Variants in ZNF491 observed in about 807,000 individuals in gnomAD.
ZNF491 encodes the protein zinc finger protein 491.
ZNF491 carries 22 observed loss-of-function variants against 34.7 expected under a neutral mutation model. The ratio of observed to expected loss-of-function variants is 0.63; its 90% confidence interval spans 0.45 to 0.90. The LOEUF is 0.90. ZNF491 is among the 40% of genes least tolerant of loss of function. The pLI, the probability that ZNF491 is intolerant of heterozygous loss-of-function variation, is 0.00. For missense variants in ZNF491, 559 were observed against 531.7 expected (o/e 1.05, Z -0.51); for synonymous variants, 148 against 174.3 (o/e 0.85, Z 1.19).
chr19:11,805,390 C>G (rs188246237), intron 2 of ZNF491, among the ~76,000 whole-genome samples: 1 of 81,312 alleles, frequency 1.2e-5, no homozygotes, highest in African/African-American at 4.9e-5. Context: ...GCCTGGGCAA[C>G]AAGAGCAAAA....
Position 11,807,316 on chromosome 19 carries a change from T to A in ZNF491, c.*49T>A. The A allele has an allele frequency of 7.1e-7, 1 of 1,401,068 alleles. No homozygotes were observed. The highest frequency in any genetic ancestry group is 9.5e-7 in the Non-Finnish European group (1 of 1,054,904). The allele number at this position is 1,401,068 out of a possible 1,614,324, so 86.8% of individuals were successfully genotyped here. On this transcript the variant is annotated 3_prime_UTR_variant, in exon 3 of 3. Coordinates refer to ENST00000323169, the MANE Select transcript of ZNF491 (RefSeq NM_152356.4). ...TATTTTAATAGAGACAGGGTCTCAC[T>A]ATCTTGTCCAGGTTGGTCTTGAACT...
In ZNF491 at chr19:11,806,535, A is replaced by G. The variant is rs901093873; in HGVS notation, c.582A>G (p.Lys194=). 6.2e-7 allele frequency: 1 copy of G among 1,614,034 alleles called. No individual in the cohort carries two copies. Among genetic ancestry groups the G allele is most frequent in the Non-Finnish European group, 8.5e-7 (1 of 1,180,042 alleles). ...EKPYECKECG[K]SFNFSSSFRR... ...CATATGAATGTAAGGAGTGTGGGAA[A>G]TCATTCAATTTTTCCAGTTCCTTTC... Residue 194 remains lysine (K), a synonymous_variant, in exon 3 of 3, where the codon AAA becomes AAG. Transcript: ENST00000323169.
chr19:11,803,881 A>T (rs1238312105), intron 1 of ZNF491, among the ~76,000 whole-genome samples: 2 of 152,156 alleles, frequency 1.3e-5, no homozygotes, highest in Non-Finnish European at 2.9e-5. Context: ...GGGCCAATTC[A>T]GCTCCATAGT....
intron 1 of ZNF491, among the ~76,000 whole-genome samples, chr19:11,801,850 G>A (rs1015974284): frequency 6.6e-6 from 1 of 152,162 alleles, no homozygotes; most frequent in South Asian, 2.1e-4. Context: ...TGTAGTATGG[G>A]ACAGGATGTC....
chr19:11,800,132 G>C (rs1366297182), intron 1 of ZNF491, among the ~76,000 whole-genome samples: 1 of 152,102 alleles, frequency 6.6e-6, no homozygotes, highest in Non-Finnish European at 1.5e-5. Context: ...TAGGGAAAAG[G>C]GACTTGATTG....
Position 11,804,203 on chromosome 19 carries a change from A to AGAC in ZNF491, c.-133-338_-133-336dup, listed in dbSNP as rs200415913. On this transcript the variant is annotated intron_variant, in intron 1 of 2. Transcript: ENST00000323169. ...GGGTGACAGAGTGAGGCCCCATCTC[A>AGAC]GACAAAAAAAAAAAAAAAAAAAAAA... Among the ~76,000 whole-genome samples, 29 of 113,356 alleles carry AGAC rather than the reference A, an allele frequency of 2.6e-4. 1 individual carries two copies. The highest frequency in any genetic ancestry group is 3.1e-4 in the Non-Finnish European group (16 of 50,938). The allele number at this position is 113,356 out of a possible 152,430, so 74.4% of individuals were successfully genotyped here. A position where few individuals can be genotyped will look rare whatever the true frequency, so the allele number is the denominator to read the frequency against.
chr19:11,807,072 T>C lies in ZNF491; in HGVS notation c.1119T>C (p.His373=). The change falls in exon 3 of 3, where the codon CAT becomes CAC. Residue 373 remains histidine, a synonymous_variant. Coordinates refer to ENST00000323169, the MANE Select transcript of ZNF491 (RefSeq NM_152356.4). ...AFHCVSSFHR[H]ERTHAGEKPY... ...ATTGTGTCAGCTCCTTTCATAGACA[T>C]GAAAGGACTCACGCTGGAGAAAAAC... 6.2e-7 allele frequency: 1 copy of C among 1,609,026 alleles called. No homozygotes were observed. Among genetic ancestry groups the C allele is most frequent in the Non-Finnish European group, 8.5e-7 (1 of 1,178,278 alleles).
rs1975618767 is a variant in ZNF491, at chr19:11,806,708, T to C, written c.755T>C (p.Leu252Ser). 2 of 1,613,574 alleles carry C rather than the reference T, an allele frequency of 1.2e-6. No homozygotes were observed. Among genetic ancestry groups the C allele is most frequent in the Non-Finnish European group, 1.7e-6 (2 of 1,179,888 alleles). The change falls in exon 3 of 3, where the codon TTA becomes TCA. Residue 252 changes from leucine (L) to serine (S), a missense_variant. Physicochemically the swap from Leu to Ser is moderately radical, Grantham distance 145. Coordinates refer to ENST00000323169, the MANE Select transcript of ZNF491 (RefSeq NM_152356.4). ...GAATGTAAACTATATGGGAAAGCAT[T>C]ATCTCGCCTTATAAGCTTTCGAAGA... is the stretch of plus-strand genomic sequence containing the variant. ...PYECKLYGKA[L>S]SRLISFRRHM...
In ZNF491 at chr19:11,807,644, T is replaced by C. The variant is rs1196104699; in HGVS notation, c.*377T>C. 5.1e-6 allele frequency: 1 copy of C among 197,932 alleles called. No individual in the cohort carries two copies. Among genetic ancestry groups the C allele is most frequent in the African/African-American group, 2.4e-5 (1 of 42,426 alleles). The allele number at this position is 197,932 out of a possible 1,614,324, so 12.3% of individuals were successfully genotyped here. A position where few individuals can be genotyped will look rare whatever the true frequency, so the allele number is the denominator to read the frequency against. On this transcript the variant is annotated 3_prime_UTR_variant, in exon 3 of 3. Coordinates refer to ENST00000323169, the MANE Select transcript of ZNF491 (RefSeq NM_152356.4). ...GGTTTCCAAAGATGTCCCCAGAAGCTCCACATTCAAGTTCTATCTACAGTT... is the reference window on the plus strand; with the variant it reads ...GGTTTCCAAAGATGTCCCCAGAAGCCCCACATTCAAGTTCTATCTACAGTT...
chr19:11,806,995 A>G lies in ZNF491; in HGVS notation c.1042A>G (p.Thr348Ala), dbSNP rs1975624253. ...SAKYIRIHGR[T>A]HTGEKPYECK... ...CAAGTACATTCGAATACATGGAAGG[A>G]CTCACACTGGTGAGAAACCCTATGA... The change falls in exon 3 of 3, where the codon ACT (threonine) becomes GCT (alanine). Residue 348 changes from threonine to alanine, a missense_variant. Physicochemically the swap from Thr to Ala is moderately conservative, Grantham distance 58. Transcript: ENST00000323169. 2.5e-6 allele frequency: 4 copies of G among 1,612,998 alleles called. No individual in the cohort carries two copies. The East Asian group carries it at 6.7e-5, about 27-fold the overall frequency.
Position 11,806,644 on chromosome 19 carries a change from C to T in ZNF491, c.691C>T (p.His231Tyr). 6.2e-7 allele frequency: 1 copy of T among 1,613,692 alleles called. No homozygotes were observed. The highest frequency in any genetic ancestry group is 1.1e-5 in the South Asian group (1 of 91,032). ...AGCCTTCAATTGTCCCAGTTCTTTT[C>T]ACAGGCATGAAAGGACTCACACAGG... ...GKAFNCPSSF[H>Y]RHERTHTGEK... Residue 231 changes from histidine (H) to tyrosine (Y), a missense_variant, in exon 3 of 3, where the codon CAC (histidine) becomes TAC (tyrosine). By Grantham distance (83) the His-to-Tyr change is moderately conservative. Transcript: ENST00000323169.
At position 11,798,547 on chromosome 19, in the gene ZNF491, G is replaced by C. The variant is rs1975524448; in HGVS notation, c.-314G>C. 2 of 152,448 alleles carry C rather than the reference G, an allele frequency of 1.3e-5. No individual in the cohort carries two copies. The highest frequency in any genetic ancestry group is 1.3e-4 in the Admixed American group (2 of 15,294). The allele number at this position is 152,448 out of a possible 1,614,324, so 9.4% of individuals were successfully genotyped here. On this transcript the variant is annotated 5_prime_UTR_variant, in exon 1 of 3. Transcript: ENST00000323169. This position sits in a 1 kb window ranked among gnomAD's most constrained non-coding sequence, Gnocchi z 4.0. ...CAACTGTCAATCCGGGGAAGCAGAAGGCCGCACTCAGAGTCTCTGCACTCC... is the reference window on the plus strand; with the variant it reads ...CAACTGTCAATCCGGGGAAGCAGAACGCCGCACTCAGAGTCTCTGCACTCC...
chr19:11,799,759 C>A (rs891836385), intron 1 of ZNF491, among the ~76,000 whole-genome samples: 2 of 151,960 alleles, frequency 1.3e-5, no homozygotes, highest in African/African-American at 4.8e-5. Flanking sequence ...CATGGTGAAA[C>A]CCCGACTCTA....
Position 11,806,735 on chromosome 19 carries a change from A to C in ZNF491, c.782A>C (p.His261Pro), listed in dbSNP as rs1181137128. The C allele has an allele frequency of 1.9e-6, 3 of 1,613,936 alleles. No homozygotes were observed. Among genetic ancestry groups the C allele is most frequent in the Non-Finnish European group, 2.5e-6 (3 of 1,179,970 alleles). ...ALSRLISFRR[H>P]MRMHTGERPH... The stretch of plus-strand genomic sequence containing the variant: ...TCTCGCCTTATAAGCTTTCGAAGAC[A>C]CATGAGAATGCACACTGGAGAGAGG... The change falls in exon 3 of 3, where the codon CAC becomes CCC. Residue 261 changes from histidine (H) to proline (P), a missense_variant. By Grantham distance (77) the His-to-Pro change is moderately conservative. Coordinates refer to ENST00000323169, the MANE Select transcript of ZNF491 (RefSeq NM_152356.4).
In ZNF491 at chr19:11,808,338, C is replaced by T. The variant is rs1026331875; in HGVS notation, c.*1071C>T. On this transcript the variant is annotated 3_prime_UTR_variant, in exon 3 of 3. Transcript: ENST00000323169. Reference sequence around the variant, plus strand: ...TGGAGGTTGCAGTGAGCCAAGATCACGCCACTGTACTCCAGCCTGGACAAG... The same window carrying T: ...TGGAGGTTGCAGTGAGCCAAGATCATGCCACTGTACTCCAGCCTGGACAAG... 9.3e-5 allele frequency among the ~76,000 whole-genome samples: 14 copies of T among 150,730 alleles called. No homozygotes were observed. The highest frequency in any genetic ancestry group is 1.5e-4 in the African/African-American group (6 of 40,854).
In ZNF491 at chr19:11,798,572, C is replaced by T. The variant is rs1222823673; in HGVS notation, c.-289C>T. 3 of 152,336 alleles carry T rather than the reference C, an allele frequency of 2.0e-5. No homozygotes were observed. The highest frequency in any genetic ancestry group is 6.5e-5 in the Admixed American group (1 of 15,270). 9.4% of individuals were successfully genotyped at this position (152,336 alleles called of 1,614,324 possible). On this transcript the variant is annotated 5_prime_UTR_variant, in exon 1 of 3. Transcript: ENST00000323169. The surrounding 1 kb of genome is among the most constrained non-coding windows in gnomAD (Gnocchi z 4.0). ...GGCCGCACTCAGAGTCTCTGCACTC[C>T]TTTGTTGCTGGGGTCCGTTGCGTTC...
chr19:11,804,208 A>G (rs1187016478), intron 1 of ZNF491, among the ~76,000 whole-genome samples: 22,042 of 132,164 alleles, frequency 0.17, 2,053 homozygotes, highest in Non-Finnish European at 0.25. Flanking sequence ...ATCTCAGACA[A>G]AAAAAAAAAA....
chr19:11,806,238 G>A lies in ZNF491; in HGVS notation c.285G>A (p.Arg95=), dbSNP rs1484556475. The change falls in exon 3 of 3, where the codon AGG becomes AGA. Residue 95 remains arginine (R), a synonymous_variant. Transcript: ENST00000323169. ...SHSHCFRTHE[R]PHTREKPFDC... is the part of the protein sequence containing the mutation. The stretch of plus-strand genomic sequence containing the variant: ...GCCACTGCTTTCGAACACATGAAAG[G>A]CCTCACACTAGAGAGAAACCTTTTG... 4.3e-6 allele frequency: 7 copies of A among 1,611,650 alleles called. No individual in the cohort carries two copies. The highest frequency in any genetic ancestry group is 5.9e-6 in the Non-Finnish European group (7 of 1,179,454).
intron 1 of ZNF491, among the ~76,000 whole-genome samples, chr19:11,803,110 G>A (rs928165309): frequency 5.9e-5 from 9 of 151,790 alleles, no homozygotes; most frequent in African/African-American, 2.2e-4. Context: ...GCCTCCCTGA[G>A]TAGCTGGGAT....
Sources: gnomAD v4.1 joint callset for allele counts (sites outside exome capture counted in the v4.1 genomes callset) on GRCh38, gnomAD v4.1.1 for gene constraint, Gnocchi (gnomAD v3.1) non-coding constraint, MANE v1.5 for transcripts, NCBI Gene and HGNC (gene_info 2026-07-23, HGNC 2026-07-21) for gene names.